Variants in PER1 observed in about 807,000 individuals in gnomAD.
PER1 encodes period circadian regulator 1, also known as period circadian protein homolog 1.
A neutral mutation model predicts 125.9 loss-of-function variants in PER1; 87 were observed. The ratio of observed to expected loss-of-function variants is 0.69; its 90% CI spans 0.58 to 0.83. The LOEUF (loss-of-function observed/expected upper bound fraction) is 0.83. Among genes scored for constraint, PER1 ranks in the 40% least tolerant of loss-of-function variants. PER1 has a pLI of 0.00. For synonymous variants in PER1, 801 were observed against 714.7 expected, an observed-to-expected ratio of 1.12 and a Z score of -1.93; for missense variants, 1,775 against 1,722.8, an observed-to-expected ratio of 1.03 and a Z score of -0.54.
In PER1 at chr17:8,144,904, G is replaced by A. The variant is rs750597356; in HGVS notation, c.2308C>T (p.Pro770Ser). 1 of 1,553,712 alleles carries A rather than the reference G, an allele frequency of 6.4e-7. No homozygotes were observed. Among genetic ancestry groups the A allele is most frequent in the Non-Finnish European group, 8.7e-7 (1 of 1,146,448 alleles). Residue 770 changes from proline (P) to serine (S), a missense_variant, in exon 18 of 23, where the codon CCA (proline) becomes TCA (serine). By Grantham distance (74) the Pro-to-Ser change is moderately conservative. Coordinates refer to ENST00000317276, the MANE Select transcript of PER1 (RefSeq NM_002616.3). The part of the protein sequence containing the change: ...PSPTVAPDPA[P>S]DAYRPVGLTK... The stretch of plus-strand genomic sequence containing the variant: ...AGCCCCACTGGACGGTAGGCGTCTG[G>A]GGCTGGGTCAGGGGCTACTGTGGGG...
intron 10 of PER1, 23 bp downstream of exon 10, chr17:8,147,974 C>T (rs755053357): frequency 3.7e-5 from 59 of 1,599,048 alleles, no homozygotes; most frequent in Non-Finnish European, 4.2e-5. Flanking sequence ...GTGGGAAGGG[C>T]GAGCAGGGCG....
In PER1 at chr17:8,142,851, G is replaced by T; in HGVS notation, c.3073-16C>A. ...TGACCTCCGCCTGGAGGAGGGGAGG[G>T]GGGCAAGGAGGGATGGAGGGGTCAG... On this transcript the variant is annotated splice_polypyrimidine_tract_variant and intron_variant, in intron 19 of 22. Coordinates refer to ENST00000317276, the MANE Select transcript of PER1 (RefSeq NM_002616.3). The T allele has an allele frequency of 6.4e-7, 1 of 1,569,206 alleles. No individual in the cohort carries two copies. The highest frequency in any genetic ancestry group is 8.6e-7 in the Non-Finnish European group (1 of 1,160,370).
chr17:8,147,713 C>A lies in PER1; in HGVS notation c.1349G>T (p.Arg450Leu). The change falls in exon 11 of 23, where the codon CGC becomes CTC. Residue 450 changes from arginine to leucine, a missense_variant. Physicochemically the swap from Arg to Leu is moderately radical, Grantham distance 102. Coordinates refer to ENST00000317276, the MANE Select transcript of PER1 (RefSeq NM_002616.3). ...SWAGFVHPWSRKVAFVLGRHK... is the reference protein window; with the variant it reads ...SWAGFVHPWSLKVAFVLGRHK... ...GCGGCCCAACACGAAGGCTACCTTG[C>A]GGCTCCAGGGGTGCACAAAGCCAGC... The A allele has an allele frequency of 1.2e-6, 2 of 1,614,074 alleles. No homozygotes were observed. Among genetic ancestry groups the A allele is most frequent in the Non-Finnish European group, 1.7e-6 (2 of 1,180,020 alleles).
intron 16 of PER1, 94 bp downstream of exon 16, chr17:8,146,278 G>C (rs756798528): frequency 6.5e-7 from 1 of 1,531,874 alleles, no homozygotes; most frequent in Non-Finnish European, 8.8e-7. Flanking sequence ...GAGGAGAGCA[G>C]GGCAGAGCAA....
intron 1 of PER1, 79 bp from the exon 2 acceptor site, chr17:8,150,924 T>C: frequency 2.0e-6 from 1 of 502,826 alleles, no homozygotes; most frequent in Non-Finnish European, 3.5e-6. Flanking sequence ...ACTCAGACCT[T>C]CCCCCTGCCT....
Position 8,143,530 on chromosome 17 carries a change from A to G in PER1, c.2808T>C (p.Tyr936=), listed in dbSNP as rs774982438. 10 of 1,525,534 alleles carry G rather than the reference A, an allele frequency of 6.6e-6. No individual in the cohort carries two copies. The African/African-American group carries it at 8.3e-5, about 13-fold the overall frequency. 94.5% of individuals were successfully genotyped at this position (1,525,534 alleles called of 1,614,324 possible). Residue 936 remains tyrosine, a synonymous_variant, in exon 19 of 23, where the codon TAT becomes TAC. Transcript: ENST00000317276. Reference sequence around the variant, plus strand: ...CTTCAGCAGGGGTCTGGAGTGCCCCATAAGGATAGCTGGATGGGGTTGGGA... The same window carrying G: ...CTTCAGCAGGGGTCTGGAGTGCCCCGTAAGGATAGCTGGATGGGGTTGGGA... ...YLFPTPSSYP[Y]GALQTPAEGP...
rs746413621 is a variant in PER1, at chr17:8,146,882, T to A, written c.1735+15A>T. ...CCAGGTCTGTCTCTTCACCCACACA[T>A]CATCATCAACTCACCAGGGAGGCGG... is the stretch of plus-strand genomic sequence containing the variant. On this transcript the variant is annotated intron_variant, in intron 14 of 22. Transcript: ENST00000317276. 1.2e-6 allele frequency: 2 copies of A among 1,611,896 alleles called. No individual in the cohort carries two copies. Among genetic ancestry groups the A allele is most frequent in the Admixed American group, 3.3e-5 (2 of 59,864 alleles).
chr17:8,143,318 C>A lies in PER1; in HGVS notation c.3020G>T (p.Ser1007Ile). ...GAAVAGGPGS[S>I]AGPPPPSAEA... The stretch of plus-strand genomic sequence containing the variant: ...CGCACTGGGAGGTGGGGGCCCGGCA[C>A]TGCTCCCAGGGCCTCCTGCAACAGC... Residue 1007 changes from serine to isoleucine, a missense_variant, in exon 19 of 23, where the codon AGT becomes ATT. By Grantham distance (142) the Ser-to-Ile change is moderately radical. Coordinates refer to ENST00000317276, the MANE Select transcript of PER1 (RefSeq NM_002616.3). 1.3e-6 allele frequency: 2 copies of A among 1,599,184 alleles called. No homozygotes were observed. The highest frequency in any genetic ancestry group is 1.7e-6 in the Non-Finnish European group (2 of 1,171,890).
chr17:8,148,248 G>T lies in PER1; in HGVS notation c.1060C>A (p.Pro354Thr). The stretch of plus-strand genomic sequence containing the variant: ...GTAGTGAAAATCCTCTTGTCAGGGG[G>T]TATCCGGGGAGCTGAGGCACAGAGA... ...IHSGYEAPRI[P>T]PDKRIFTTRH... Residue 354 changes from proline (P) to threonine (T), a missense_variant, in exon 9 of 23, where the codon CCC (proline) becomes ACC (threonine). Transcript: ENST00000317276. 1 of 1,614,036 alleles carries T rather than the reference G, an allele frequency of 6.2e-7. No homozygotes were observed.
rs1982038459 is a variant in PER1 at position 8,140,903 on chromosome 17, G to T, written c.*165C>A. On this transcript the variant is annotated 3_prime_UTR_variant, in exon 23 of 23. Transcript: ENST00000317276. ...GCTCTCTGCTCCCTAAGAGGCCAGAGGCAGCCCCTGGATCCTAGGCTGGTG... is the reference window on the plus strand; with the variant it reads ...GCTCTCTGCTCCCTAAGAGGCCAGATGCAGCCCCTGGATCCTAGGCTGGTG... 1.3e-6 allele frequency: 1 copy of T among 753,850 alleles called. No individual in the cohort carries two copies. Among genetic ancestry groups the T allele is most frequent in the Non-Finnish European group, 2.2e-6 (1 of 464,362 alleles). 46.7% of individuals were successfully genotyped at this position (753,850 alleles called of 1,614,324 possible). A position where few individuals can be genotyped will look rare whatever the true frequency, so the allele number is the denominator to read the frequency against.
At chr17:8,142,021 T>A in intron 21 of PER1, 66 bp from the exon 22 acceptor site, 1 of 1,597,028 alleles carries the variant, frequency 6.3e-7, no homozygotes, top group South Asian at 1.1e-5. Flanking sequence ...CCCATGAAGC[T>A]GGCATCCTTC....
At position 8,149,467 on chromosome 17, in the gene PER1, G is replaced by A. The variant is rs1346879593; in HGVS notation, c.848C>T (p.Ser283Leu). ...ACAGCGCTTGGGCACCTCACCTGCT[G>A]AGGCCCCTGTGCCCCAGGTGGGCAG... ...SRLPTWGTGA[S>L]AGSGLRDFTQ... Residue 283 changes from serine to leucine, a missense_variant, in exon 6 of 23, where the codon TCA becomes TTA. Physicochemically the swap from Ser to Leu is moderately radical, Grantham distance 145. Coordinates refer to ENST00000317276, the MANE Select transcript of PER1 (RefSeq NM_002616.3). The A allele has an allele frequency of 1.2e-6, 2 of 1,612,860 alleles. No homozygotes were observed. The highest frequency in any genetic ancestry group is 4.5e-5 in the East Asian group (2 of 44,860).
chr17:8,150,462 G>T lies in PER1; in HGVS notation c.245C>A (p.Ala82Asp). The T allele has an allele frequency of 1.2e-6, 2 of 1,613,414 alleles. No individual in the cohort carries two copies. Among genetic ancestry groups the T allele is most frequent in the Non-Finnish European group, 8.5e-7 (1 of 1,179,628 alleles). The change falls in exon 2 of 23, where the codon GCC becomes GAC. Residue 82 changes from alanine (A) to aspartate (D), a missense_variant. Physicochemically the swap from Ala to Asp is moderately radical, Grantham distance 126. Coordinates refer to ENST00000317276, the MANE Select transcript of PER1 (RefSeq NM_002616.3). ...SSSSGNGKDSALLETTESSKS... is the reference protein window; with the variant it reads ...SSSSGNGKDSDLLETTESSKS... ...GCTGCTCTCAGTGGTCTCCAGCAGG[G>T]CTGAGTCCTTGCCGTTGCCTGAGGA... is the stretch of plus-strand genomic sequence containing the variant.
Position 8,146,372 on chromosome 17 carries a change from C to T in PER1, c.2038G>A (p.Asp680Asn). Residue 680 changes from aspartate (D) to asparagine (N), a missense_variant and splice_region_variant, in exon 16 of 23, where the codon GAT becomes AAT. Transcript: ENST00000317276. ...GGAGCAGGGTGCATTGGATCTTTACCTTTCTTGGTCCCCACAGAGACTGGA... is the reference window on the plus strand; with the variant it reads ...GGAGCAGGGTGCATTGGATCTTTACTTTTCTTGGTCCCCACAGAGACTGGA... ...TGPVSVGTKK[D>N]PPSAALSGEG... The T allele has an allele frequency of 6.3e-7, 1 of 1,599,042 alleles. No individual in the cohort carries two copies. The highest frequency in any genetic ancestry group is 8.5e-7 in the Non-Finnish European group (1 of 1,172,416).
At position 8,146,767 on chromosome 17, in the gene PER1, TG is replaced by T; in HGVS notation, c.1736-3del. On this transcript the variant is annotated splice_polypyrimidine_tract_variant and splice_region_variant and intron_variant, in intron 14 of 22. Coordinates refer to ENST00000317276, the MANE Select transcript of PER1 (RefSeq NM_002616.3). Reference sequence around the variant, plus strand: ...CCTTGGCCTTGAACGTGCCTGTAGCTGGGGCAAAGAGAGAAAGAGGAAAATA... The same window carrying T: ...CCTTGGCCTTGAACGTGCCTGTAGCTGGGCAAAGAGAGAAAGAGGAAAATA... 6.2e-7 allele frequency: 1 copy of T among 1,609,574 alleles called. No individual in the cohort carries two copies. The highest frequency in any genetic ancestry group is 8.5e-7 in the Non-Finnish European group (1 of 1,178,498).
In PER1 at chr17:8,141,151, G is replaced by A. The variant is rs1301373540; in HGVS notation, c.3790C>T (p.Gln1264Ter). 1 of 1,614,190 alleles carries A rather than the reference G, an allele frequency of 6.2e-7. No homozygotes were observed. Among genetic ancestry groups the A allele is most frequent in the Non-Finnish European group, 8.5e-7 (1 of 1,180,022 alleles). The change falls in exon 23 of 23, where the codon CAG becomes TAG. Residue 1264 changes from glutamine (Q) to a stop codon, truncating the protein, a stop_gained. Coordinates refer to ENST00000317276, the MANE Select transcript of PER1 (RefSeq NM_002616.3). LOFTEE classifies it high-confidence loss of function. ...AQGGAKASSS[Q>*]DLAMEEEEEG... is the part of the protein sequence containing the mutation. ...TCCTCCTCCTCCATAGCCAAGTCCT[G>A]AGAGCTTGAAGCCTTGGCCCCGCCT... is the stretch of plus-strand genomic sequence containing the variant.
Position 8,141,089 on chromosome 17 carries a change from T to C in PER1, c.3852A>G (p.Thr1284=). 1 of 1,613,518 alleles carries C rather than the reference T, an allele frequency of 6.2e-7. No individual in the cohort carries two copies. The highest frequency in any genetic ancestry group is 8.5e-7 in the Non-Finnish European group (1 of 1,179,568). ...GAGTCTAGCTGGTGCAGTTTCCTGC[T>C]GTAGGTAAGGCTGGACTGGATGAGC... is the stretch of plus-strand genomic sequence containing the variant. ...GRSSSSPALP[T]AGNCTS is the part of the protein sequence containing the mutation. The change falls in exon 23 of 23, where the codon ACA becomes ACG. Residue 1284 remains threonine (T), a synonymous_variant. Transcript: ENST00000317276.
Position 8,143,677 on chromosome 17 carries a change from T to C in PER1, c.2661A>G (p.Pro887=), listed in dbSNP as rs1438710212. 2 of 1,102,622 alleles carry C rather than the reference T, an allele frequency of 1.8e-6. No homozygotes were observed. The highest frequency in any genetic ancestry group is 7.5e-5 in the East Asian group (1 of 13,408). 68.3% of individuals were successfully genotyped at this position (1,102,622 alleles called of 1,614,324 possible). ...GGGGGCCTCCTCGAGGAGAGAACACTGGGAGAGGGTAGGGCTGGACAACCG... is the reference window on the plus strand; with the variant it reads ...GGGGGCCTCCTCGAGGAGAGAACACCGGGAGAGGGTAGGGCTGGACAACCG... ...FPAVVQPYPL[P]VFSPRGGPQP... is the part of the protein sequence containing the mutation. The change falls in exon 19 of 23, where the codon CCA becomes CCG. Residue 887 remains proline (P), a synonymous_variant. Coordinates refer to ENST00000317276, the MANE Select transcript of PER1 (RefSeq NM_002616.3).
intron 17 of PER1, among the ~76,000 whole-genome samples, chr17:8,145,674 T>C (rs1268567401): frequency 6.6e-6 from 1 of 152,132 alleles, no homozygotes; most frequent in East Asian, 1.9e-4. Context: ...GATGTTCAAT[T>C]TTCCTTGCCT....
Sources: gnomAD v4.1 joint callset for allele counts (sites outside exome capture counted in the v4.1 genomes callset) on GRCh38, gnomAD v4.1.1 for gene constraint, MANE v1.5 for transcripts, NCBI Gene and HGNC (gene_info 2026-07-23, HGNC 2026-07-21) for gene names.